The following TC2N variants were observed in gnomAD, a reference collection of about 807,000 sequenced individuals.
TC2N encodes tandem C2 domains nuclear protein.
Under a neutral mutation model 61.9 loss-of-function variants are expected in TC2N, and 51 were observed. The ratio of observed to expected loss-of-function variants is 0.82; its 90% CI spans 0.66 to 1.04. The LOEUF (loss-of-function observed/expected upper bound fraction) is 1.04, where lower values mean the gene tolerates loss of function less well. Ranked by LOEUF, TC2N falls within the 50% of genes least tolerant of loss-of-function variation. The probability of loss-of-function intolerance (pLI) is 0.00; values close to 1 mark genes in which losing one functional copy is unlikely to be tolerated. For synonymous variants in TC2N, 204 were observed against 192.6 expected (o/e 1.06, Z -0.49); for missense variants, 556 against 566.7 (o/e 0.98, Z 0.19).
At chr14:91,843,673 T>G (rs1888207307) in intron 1 of TC2N, among the ~76,000 whole-genome samples, 1 of 152,164 alleles carries the variant, frequency 6.6e-6, no homozygotes, top group Non-Finnish European at 1.5e-5. Context: ...CCCAGGGAGT[T>G]TTAGGACGCC....
chr14:91,817,021 T>C (rs1316634541), intron 1 of TC2N, among the ~76,000 whole-genome samples: 1 of 152,006 alleles, frequency 6.6e-6, no homozygotes, highest in East Asian at 1.9e-4. Context: ...AAATGAACTT[T>C]ATAATCTGTC....
chr14:91,821,330 A>G (rs1226265665), intron 1 of TC2N, among the ~76,000 whole-genome samples: 2 of 152,098 alleles, frequency 1.3e-5, no homozygotes, highest in Non-Finnish European at 2.9e-5. Flanking sequence ...TTTATAGTCA[A>G]TTGATGTTTA....
At chr14:91,824,453 T>G (rs1887402225) in intron 1 of TC2N, among the ~76,000 whole-genome samples, 1 of 152,198 alleles carries the variant, frequency 6.6e-6, no homozygotes, top group African/African-American at 2.4e-5. Flanking sequence ...GCAAACCTGC[T>G]TTTCCTCTGG....
intron 1 of TC2N, among the ~76,000 whole-genome samples, chr14:91,818,978 A>C (rs146293998): frequency 5.3e-4 from 80 of 152,258 alleles, no homozygotes; most frequent in African/African-American, 1.7e-3. Flanking sequence ...AATAATGGCC[A>C]AAATTTTCCA....
intron 10 of TC2N, among the ~76,000 whole-genome samples, chr14:91,785,999 G>C (rs554258817): frequency 2.0e-5 from 3 of 152,180 alleles, no homozygotes; most frequent in Middle Eastern, 3.4e-3. Flanking sequence ...TCCCCTATCT[G>C]ACTGACACAC....
chr14:91,845,936 TTTGC>T (rs903484295), intron 1 of TC2N, among the ~76,000 whole-genome samples: 7 of 152,344 alleles, frequency 4.6e-5, no homozygotes, highest in African/African-American at 1.7e-4. Context: ...AGGAATCTGA[TTTGC>T]TCAGCTCATA....
At chr14:91,842,138 T>C (rs1888175019) in intron 1 of TC2N, among the ~76,000 whole-genome samples, 1 of 152,012 alleles carries the variant, frequency 6.6e-6, no homozygotes, top group African/African-American at 2.4e-5. Context: ...TTGTATTTTT[T>C]TGTAGAGACA....
At chr14:91,789,472 G>C (rs193265461) in intron 9 of TC2N, among the ~76,000 whole-genome samples, 1 of 151,464 alleles carries the variant, frequency 6.6e-6, no homozygotes, top group African/African-American at 2.4e-5. Flanking sequence ...TTAGCCACCC[G>C]TGGTGGCTGA....
At chr14:91,800,610 T>G (rs1595233034) in intron 4 of TC2N, among the ~76,000 whole-genome samples, 1 of 152,098 alleles carries the variant, frequency 6.6e-6, no homozygotes, top group East Asian at 1.9e-4. Flanking sequence ...CCACATCAAT[T>G]ATCAAACAGG....
chr14:91,856,236 C>G (rs1331044287), intron 1 of TC2N, among the ~76,000 whole-genome samples: 2 of 152,162 alleles, frequency 1.3e-5, no homozygotes, highest in African/African-American at 4.8e-5. Flanking sequence ...CACCTATAAT[C>G]CCAGCATTTT....
chr14:91,794,625 T>C (rs553783837), intron 8 of TC2N, among the ~76,000 whole-genome samples: 1 of 152,144 alleles, frequency 6.6e-6, no homozygotes, highest in African/African-American at 2.4e-5. Flanking sequence ...GTTTACTAAA[T>C]ATTTTAAGTC....
At chr14:91,829,270 CTCTT>C (rs547350824) in intron 1 of TC2N, among the ~76,000 whole-genome samples, 7 of 152,082 alleles carry the variant, frequency 4.6e-5, no homozygotes, top group East Asian at 1.9e-4. Context: ...CATTTCTTTT[CTCTT>C]TCTTTTCTTG....
At chr14:91,785,720 C>T (rs1885333946) in intron 10 of TC2N, among the ~76,000 whole-genome samples, 1 of 151,898 alleles carries the variant, frequency 6.6e-6, no homozygotes, top group Non-Finnish European at 1.5e-5. Context: ...ATTTATTTCA[C>T]AATTATATAG....
At chr14:91,789,766 T>C (rs1027493918) in intron 9 of TC2N, among the ~76,000 whole-genome samples, 1 of 152,184 alleles carries the variant, frequency 6.6e-6, no homozygotes, top group African/African-American at 2.4e-5. Flanking sequence ...TTAAATCTCA[T>C]AATAACCAAA....
At chr14:91,812,276 A>C in intron 3 of TC2N, 36 bp downstream of exon 3, 1 of 1,185,444 alleles carries the variant, frequency 8.4e-7, no homozygotes, top group Non-Finnish European at 1.2e-6. Context: ...TAAATGCTAC[A>C]TATCGATTTT....
intron 1 of TC2N, among the ~76,000 whole-genome samples, chr14:91,852,095 G>C (rs1888386296): frequency 1.3e-5 from 2 of 152,150 alleles, no homozygotes; most frequent in African/African-American, 4.8e-5. Context: ...TTGTACTTGT[G>C]AAAACAGACA....
At chr14:91,824,705 A>C (rs1887413460) in intron 1 of TC2N, among the ~76,000 whole-genome samples, 1 of 152,234 alleles carries the variant, frequency 6.6e-6, no homozygotes, top group Non-Finnish European at 1.5e-5. Context: ...AAAATAAACA[A>C]ACACATGATA....
At chr14:91,797,717 T>G (rs1885964314) in intron 8 of TC2N, 68 bp downstream of exon 8, 1 of 993,034 alleles carries the variant, frequency 1.0e-6, no homozygotes, top group Non-Finnish European at 1.5e-6. Flanking sequence ...CTTGTTTACA[T>G]GGGTAAAAGT....
Position 91,813,716 on chromosome 14 carries a change from T to A in TC2N, c.54A>T (p.Thr18=). The change falls in exon 2 of 12, where the codon ACA becomes ACT. Residue 18 remains threonine (T), a synonymous_variant. Coordinates refer to ENST00000435962, the MANE Select transcript of TC2N (RefSeq NM_001128596.3). ...SCCGGCFYGE[T]EKHNFSVERD... is the part of the protein sequence containing the mutation. ...AATAAAACTCACAGTTGTGTTTTTCTGTTTCACCATAGAAACATCCTCCAC... is the reference window on the plus strand; with the variant it reads ...AATAAAACTCACAGTTGTGTTTTTCAGTTTCACCATAGAAACATCCTCCAC... 6.2e-7 allele frequency: 1 copy of A among 1,606,514 alleles called. No individual in the cohort carries two copies. Among genetic ancestry groups the A allele is most frequent in the Admixed American group, 1.7e-5 (1 of 59,632 alleles).
Sources: allele counts gnomAD v4.1 joint callset (sites outside exome capture counted in the v4.1 genomes callset), GRCh38; gene constraint gnomAD v4.1.1; transcripts MANE v1.5; gene names NCBI Gene and HGNC (gene_info 2026-07-23, HGNC 2026-07-21).